The following KCNH5 variants were observed in gnomAD, a reference collection of about 807,000 sequenced individuals.
The protein encoded by KCNH5 is potassium voltage-gated channel subfamily H member 5.
In KCNH5, 46 loss-of-function variants were observed where a neutral mutation model predicts 96.1. The observed-to-expected ratio is 0.48, with a 90% CI of 0.38 to 0.61. KCNH5 has a LOEUF of 0.61. Among genes scored for constraint, KCNH5 ranks in the 20% least tolerant of loss-of-function variants. The pLI is 0.00. For synonymous variants in KCNH5, 439 were observed against 449.8 expected, an observed-to-expected ratio of 0.98 and a Z score of 0.30; for missense variants, 907 against 1,225.8, an observed-to-expected ratio of 0.74 and a Z score of 3.88.
At chr14:62,734,017 C>T (rs1237452869) in intron 10 of KCNH5, among the ~76,000 whole-genome samples, 3 of 152,144 alleles carry the variant, frequency 2.0e-5, no homozygotes, top group Non-Finnish European at 4.4e-5. Context: ...ACTTCAAAGT[C>T]AGCATATCCA....
In KCNH5 at chr14:62,802,580, A is replaced by G; in HGVS notation, c.1571T>C (p.Val524Ala). 6.2e-7 allele frequency: 1 copy of G among 1,613,314 alleles called. No homozygotes were observed. The highest frequency in any genetic ancestry group is 8.5e-7 in the Non-Finnish European group (1 of 1,179,368). The change falls in exon 9 of 11, where the codon GTC becomes GCC. Residue 524 changes from valine (V) to alanine (A), a missense_variant and splice_region_variant. Val to Ala is a moderately conservative substitution (Grantham distance 64). Around this residue, in one of 6 missense-constraint regions of KCNH5, gnomAD observed 95 missense variants for 111.8 expected, o/e 0.85. Transcript: ENST00000322893. ...CATGTCCTTGGGACAGATGGAGAGG[A>G]CCTAAAGAAGGTGAGAGATGAATAA... is the stretch of plus-strand genomic sequence containing the variant. ...SMSKGIDTEK[V>A]LSICPKDMRA... is the part of the protein sequence containing the mutation.
chr14:62,857,471 A>C (rs1887951775), intron 7 of KCNH5, among the ~76,000 whole-genome samples: 1 of 152,134 alleles, frequency 6.6e-6, no homozygotes, highest in Non-Finnish European at 1.5e-5. Context: ...ATTAATCTTA[A>C]TATATAAAGG....
intron 4 of KCNH5, among the ~76,000 whole-genome samples, chr14:63,000,499 C>T (rs1250522481): frequency 6.6e-6 from 1 of 152,162 alleles, no homozygotes; most frequent in Non-Finnish European, 1.5e-5. Flanking sequence ...AATAAGACTA[C>T]AGTCAGAAGG....
chr14:62,798,376 AG>A (rs578030695), intron 9 of KCNH5, among the ~76,000 whole-genome samples: 39 of 152,352 alleles, frequency 2.6e-4, no homozygotes, highest in African/African-American at 9.4e-4. Context: ...AACCTCAGAA[AG>A]GCACAATATA....
chr14:62,910,899 CCACACA>C (rs1555363113), intron 7 of KCNH5, among the ~76,000 whole-genome samples: 2,093 of 140,352 alleles, frequency 0.015, 17 homozygotes, highest in African/African-American at 0.031. Flanking sequence ...TGTGCATACA[CCACACA>C]CACACACACA....
chr14:62,816,191 T>G (rs1413385817), intron 8 of KCNH5, among the ~76,000 whole-genome samples: 1 of 151,848 alleles, frequency 6.6e-6, no homozygotes, highest in Non-Finnish European at 1.5e-5. Flanking sequence ...CTAAACAAGA[T>G]AAAACAAAAT....
chr14:62,947,108 G>A lies in KCNH5; in HGVS notation c.1369+3025C>T, dbSNP rs970559445. On this transcript the variant is annotated intron_variant, in intron 7 of 10. Coordinates refer to ENST00000322893, the MANE Select transcript of KCNH5 (RefSeq NM_139318.5). The stretch of plus-strand genomic sequence containing the variant: ...AGTTATATAAGATGTAATTATTGGA[G>A]GAAACTAGGTGAAGGTAACAAAGGC... Among the ~76,000 whole-genome samples, 8 of 152,124 alleles carry A rather than the reference G, an allele frequency of 5.3e-5. No individual in the cohort carries two copies. In the South Asian group the frequency reaches 1.7e-3, roughly 32 times the overall value.
intron 8 of KCNH5, 104 bp downstream of exon 8, chr14:62,849,549 A>T: frequency 1.2e-6 from 1 of 869,418 alleles, no homozygotes; most frequent in Non-Finnish European, 1.9e-6. Context: ...ATACAGAATA[A>T]CAGTTACGAA....
At chr14:62,802,913 G>T (rs1008927919) in intron 8 of KCNH5, among the ~76,000 whole-genome samples, 1 of 152,144 alleles carries the variant, frequency 6.6e-6, no homozygotes, top group Non-Finnish European at 1.5e-5. Flanking sequence ...AGGCCAAGGC[G>T]GGTAGATCAC....
intron 10 of KCNH5, among the ~76,000 whole-genome samples, chr14:62,729,954 A>G (rs1161665797): frequency 6.6e-6 from 1 of 152,224 alleles, no homozygotes; most frequent in African/African-American, 2.4e-5. Flanking sequence ...TTGAATTGTT[A>G]TATAAATAAG....
chr14:62,829,145 G>A (rs1415899524), intron 8 of KCNH5, among the ~76,000 whole-genome samples: 3 of 152,154 alleles, frequency 2.0e-5, no homozygotes, highest in Non-Finnish European at 4.4e-5. Flanking sequence ...TTGGGTAGCT[G>A]TGCACCTGAC....
At chr14:62,875,304 CT>C (rs1297651013) in intron 7 of KCNH5, among the ~76,000 whole-genome samples, 2 of 151,932 alleles carry the variant, frequency 1.3e-5, no homozygotes, top group Non-Finnish European at 2.9e-5. Flanking sequence ...CCCCATCAAG[CT>C]ACCAATGACT....
At chr14:62,999,104 T>C (rs1483544428) in intron 4 of KCNH5, among the ~76,000 whole-genome samples, 2 of 152,196 alleles carry the variant, frequency 1.3e-5, no homozygotes, top group Non-Finnish European at 2.9e-5. Flanking sequence ...CCCGGAGGAA[T>C]CGCCACACTG....
intron 8 of KCNH5, among the ~76,000 whole-genome samples, chr14:62,833,071 C>T (rs1887390197): frequency 6.6e-6 from 1 of 151,740 alleles, no homozygotes; most frequent in African/African-American, 2.4e-5. Context: ...ATATAGGTTG[C>T]TTTTTCATTC....
rs1332232177 is a variant in KCNH5, at chr14:62,699,615, A to T, written c.*7893T>A. ...TTGGGCTAAAAGCTTCCACCTGCCA[A>T]TTCACTTTTCAAAATGACCATTTTT... On this transcript the variant is annotated 3_prime_UTR_variant, in exon 11 of 11. Coordinates refer to ENST00000322893, the MANE Select transcript of KCNH5 (RefSeq NM_139318.5). The T allele has an allele frequency of 1.3e-5, 2 of 152,182 alleles. No homozygotes were observed. The highest frequency in any genetic ancestry group is 2.9e-5 in the Non-Finnish European group (2 of 68,012). The allele number at this position is 152,182 out of a possible 1,614,324, so 9.4% of individuals were successfully genotyped here.
At chr14:62,721,773 A>T (rs1884823059) in intron 10 of KCNH5, among the ~76,000 whole-genome samples, 1 of 152,214 alleles carries the variant, frequency 6.6e-6, no homozygotes, top group South Asian at 2.1e-4. Flanking sequence ...GCCACAACCC[A>T]AACATTACTA....
At position 63,045,225 on chromosome 14, in the gene KCNH5, G is replaced by A. The variant is rs779701288; in HGVS notation, c.-39C>T. 2 of 1,504,760 alleles carry A rather than the reference G, an allele frequency of 1.3e-6. 1 individual carries two copies. Among genetic ancestry groups the A allele is most frequent in the Admixed American group, 3.3e-5 (2 of 59,866 alleles). The allele number at this position is 1,504,760 out of a possible 1,614,324, so 93.2% of individuals were successfully genotyped here. ...AGCAGCGGCCAGGATCCGCGGCGGG[G>A]GAGGGGGGGATGCAGGCAAAGAAGG... On this transcript the variant is annotated 5_prime_UTR_variant, in exon 1 of 11. Coordinates refer to ENST00000322893, the MANE Select transcript of KCNH5 (RefSeq NM_139318.5).
intron 7 of KCNH5, among the ~76,000 whole-genome samples, chr14:62,913,655 C>A (rs1889215912): frequency 6.6e-6 from 1 of 152,098 alleles, no homozygotes; most frequent in African/African-American, 2.4e-5. Flanking sequence ...AATTATAGTA[C>A]TTGGGAGAAA....
At chr14:62,907,481 A>T (rs1483557152) in intron 7 of KCNH5, among the ~76,000 whole-genome samples, 2 of 152,156 alleles carry the variant, frequency 1.3e-5, no homozygotes, top group Non-Finnish European at 2.9e-5. Context: ...GGTCTCATTG[A>T]CAACTTCATG....
Sources: gnomAD v4.1 joint callset for allele counts (sites outside exome capture counted in the v4.1 genomes callset) on GRCh38, gnomAD v4.1.1 for gene constraint, gnomAD v4.1.1 regional missense constraint, MANE v1.5 for transcripts, NCBI Gene and HGNC (gene_info 2026-07-23, HGNC 2026-07-21) for gene names.